Variants in DENND1A observed in about 807,000 individuals in gnomAD.
DENND1A encodes the protein DENN domain-containing protein 1A.
DENND1A carries 51 observed loss-of-function variants against 113.7 expected under a neutral mutation model. That is an observed-to-expected ratio of 0.45 (90% CI 0.36 to 0.57). The LOEUF (loss-of-function observed/expected upper bound fraction) is 0.57, where lower values mean the gene tolerates loss of function less well. DENND1A is among the 20% of genes least tolerant of loss of function. The pLI is 0.00. For missense variants in DENND1A, 1,258 were observed against 1,395.9 expected, an observed-to-expected ratio of 0.90 and a Z score of 1.57; for synonymous variants, 565 against 570.8, an observed-to-expected ratio of 0.99 and a Z score of 0.14.
chr9:123,562,820 T>C (rs571918760), intron 12 of DENND1A, among the ~76,000 whole-genome samples: 1 of 152,310 alleles, frequency 6.6e-6, no homozygotes, highest in Non-Finnish European at 1.5e-5. Context: ...CTGGGCCTCC[T>C]TGGACTGAGC....
rs537340604 is a variant in DENND1A, at chr9:123,571,832, G to A, written c.867+11337C>T. 5.9e-5 allele frequency among the ~76,000 whole-genome samples: 9 copies of A among 152,264 alleles called. No individual in the cohort carries two copies. In the East Asian group the frequency reaches 1.2e-3, roughly 20 times the overall value. On this transcript the variant is annotated intron_variant, in intron 12 of 23. Coordinates refer to ENST00000394215, the MANE Select transcript of DENND1A (RefSeq NM_001352964.2). ...GAATAGCCAGGTGTGGGATTGTTGGGTTGTATGGTAGGCGTAAGTTTAACT... is the reference window on the plus strand; with the variant it reads ...GAATAGCCAGGTGTGGGATTGTTGGATTGTATGGTAGGCGTAAGTTTAACT...
chr9:123,890,679 A>C (rs1215747726), intron 1 of DENND1A, among the ~76,000 whole-genome samples: 1 of 152,200 alleles, frequency 6.6e-6, no homozygotes, highest in African/African-American at 2.4e-5. Context: ...TATTACCATC[A>C]TTCTCATTTT....
chr9:123,491,365 A>G (rs2051355483), intron 13 of DENND1A, among the ~76,000 whole-genome samples: 2 of 152,208 alleles, frequency 1.3e-5, no homozygotes, highest in Non-Finnish European at 2.9e-5. Context: ...ACAAACCAGA[A>G]TGTACACACC....
chr9:123,486,257 C>T (rs1264611042), intron 13 of DENND1A, among the ~76,000 whole-genome samples: 2 of 152,152 alleles, frequency 1.3e-5, no homozygotes, highest in Non-Finnish European at 2.9e-5. Flanking sequence ...ATGAAGGCCC[C>T]ACCCTGAACT....
intron 13 of DENND1A, among the ~76,000 whole-genome samples, chr9:123,542,000 C>T (rs1308878068): frequency 2.6e-5 from 4 of 152,158 alleles, no homozygotes; most frequent in African/African-American, 4.8e-5. Context: ...AATATTCCAT[C>T]GAACACTTTG....
At chr9:123,778,086 A>G (rs1830718773) in intron 3 of DENND1A, among the ~76,000 whole-genome samples, 1 of 152,176 alleles carries the variant, frequency 6.6e-6, no homozygotes, top group African/African-American at 2.4e-5. Context: ...TAAAGAAATT[A>G]TATAATTCAA....
intron 5 of DENND1A, among the ~76,000 whole-genome samples, chr9:123,685,905 T>A (rs1339479048): frequency 6.6e-6 from 1 of 152,030 alleles, no homozygotes; most frequent in African/African-American, 2.4e-5. Flanking sequence ...TTTAAATTAC[T>A]ACTGTAATAT....
rs2064099500 is a variant in DENND1A at position 123,676,732 on chromosome 9, CG to C, written c.359del (p.Thr120ArgfsTer53). On this transcript the variant is annotated frameshift_variant, in exon 6 of 24. Coordinates refer to ENST00000394215, the MANE Select transcript of DENND1A (RefSeq NM_001352964.2). LOFTEE classifies it high-confidence loss of function. Reference sequence around the variant, plus strand: ...AAAAGGTAAATACCTGTCTTTTTGTCGTGTAATCTGCCAGGATGTTAAGCAG... The same window carrying C: ...AAAAGGTAAATACCTGTCTTTTTGTCTGTAATCTGCCAGGATGTTAAGCAG... ...YKLLNILADY[T>X]TKRQENQWNE... 2 of 1,613,596 alleles carry C rather than the reference CG, an allele frequency of 1.2e-6. No individual in the cohort carries two copies. The highest frequency in any genetic ancestry group is 4.5e-5 in the East Asian group (2 of 44,856).
At chr9:123,541,912 A>T (rs1009858704) in intron 13 of DENND1A, among the ~76,000 whole-genome samples, 1 of 152,228 alleles carries the variant, frequency 6.6e-6, no homozygotes, top group Non-Finnish European at 1.5e-5. Flanking sequence ...AGCTCTGAAA[A>T]AGTAGCTCTC....
chr9:123,881,220 ATTG>A (rs1449030925), intron 1 of DENND1A, among the ~76,000 whole-genome samples: 1 of 152,194 alleles, frequency 6.6e-6, no homozygotes, highest in Non-Finnish European at 1.5e-5. Flanking sequence ...ACCTTAAAAA[ATTG>A]TTGTGCTCTT....
chr9:123,761,131 A>T (rs556548993), intron 4 of DENND1A, among the ~76,000 whole-genome samples: 9 of 152,316 alleles, frequency 5.9e-5, no homozygotes, highest in African/African-American at 1.9e-4. Context: ...TTTTATTCCT[A>T]TTAAAAATGC....
intron 1 of DENND1A, among the ~76,000 whole-genome samples, chr9:123,923,748 C>T (rs1254221861): frequency 2.6e-5 from 4 of 151,876 alleles, no homozygotes; most frequent in African/African-American, 7.3e-5. Context: ...CAAGTTCCAA[C>T]CTCTTCCTAG....
intron 6 of DENND1A, among the ~76,000 whole-genome samples, chr9:123,675,252 A>G (rs1229533286): frequency 6.6e-6 from 1 of 152,182 alleles, no homozygotes; most frequent in Admixed American, 6.5e-5. Flanking sequence ...TTCCTCCAAA[A>G]CAGCATTTCC....
At chr9:123,568,808 A>G (rs1315089372) in intron 12 of DENND1A, among the ~76,000 whole-genome samples, 1 of 152,174 alleles carries the variant, frequency 6.6e-6, no homozygotes, top group Non-Finnish European at 1.5e-5. Flanking sequence ...AGGAAAAAAA[A>G]ACAAAACAGG....
At chr9:123,557,215 T>C (rs892070111) in intron 13 of DENND1A, among the ~76,000 whole-genome samples, 1 of 152,140 alleles carries the variant, frequency 6.6e-6, no homozygotes, top group Non-Finnish European at 1.5e-5. Context: ...GGTTTCCTCA[T>C]TTGTAAAGTG....
chr9:123,449,818 GAC>G (rs1354811907), intron 18 of DENND1A, among the ~76,000 whole-genome samples: 2 of 152,080 alleles, frequency 1.3e-5, no homozygotes, highest in African/African-American at 4.8e-5. Flanking sequence ...ATAAGAATGA[GAC>G]AATAGACTTT....
At chr9:123,915,800 G>T (rs1462236374) in intron 1 of DENND1A, among the ~76,000 whole-genome samples, 1 of 152,104 alleles carries the variant, frequency 6.6e-6, no homozygotes, top group Admixed American at 6.6e-5. Flanking sequence ...GCTTATCACA[G>T]GCTCTTATTA....
chr9:123,707,936 C>T (rs558332695), intron 5 of DENND1A, among the ~76,000 whole-genome samples: 1 of 152,114 alleles, frequency 6.6e-6, no homozygotes, highest in Non-Finnish European at 1.5e-5. Context: ...CTGATGGAAT[C>T]GTGTCTTGAG....
chr9:123,557,945 T>C (rs905738296), intron 12 of DENND1A, among the ~76,000 whole-genome samples: 3 of 152,060 alleles, frequency 2.0e-5, no homozygotes, highest in East Asian at 1.9e-4. Flanking sequence ...TGAGCCGAGA[T>C]TGCGCCATTG....
Sources: gnomAD v4.1 joint callset for allele counts (sites outside exome capture counted in the v4.1 genomes callset) on GRCh38, gnomAD v4.1.1 for gene constraint, MANE v1.5 for transcripts, NCBI Gene and HGNC (gene_info 2026-07-23, HGNC 2026-07-21) for gene names.